CELF4: variants seen among roughly 807,000 people sequenced by gnomAD.
CELF4 encodes the protein CUGBP Elav-like family member 4.
A neutral mutation model predicts 59.9 loss-of-function variants in CELF4; 18 were observed. That is an observed-to-expected ratio of 0.30 (90% CI 0.21 to 0.45). The LOEUF is 0.45. Among genes scored for constraint, CELF4 ranks in the 20% least tolerant of loss-of-function variants. The pLI, the probability that CELF4 is intolerant of heterozygous loss-of-function variation, is 1.00. For missense variants in CELF4, 456 were observed against 689.0 expected, an observed-to-expected ratio of 0.66 and a Z score of 3.79; for synonymous variants, 261 against 267.1, an observed-to-expected ratio of 0.98 and a Z score of 0.22.
chr18:37,329,187 T>C (rs1200221824), intron 2 of CELF4, among the ~76,000 whole-genome samples: 1 of 152,202 alleles, frequency 6.6e-6, no homozygotes, highest in Non-Finnish European at 1.5e-5. Context: ...TGCCTTCAGC[T>C]GGAAACGCAA....
chr18:37,353,136 G>A (rs953312252), intron 2 of CELF4, among the ~76,000 whole-genome samples: 4 of 150,590 alleles, frequency 2.7e-5, no homozygotes, highest in Non-Finnish European at 4.4e-5. Flanking sequence ...CAGGAGAATT[G>A]CTTGAACCCG....
intron 1 of CELF4, among the ~76,000 whole-genome samples, chr18:37,514,969 TA>T (rs923873850): frequency 1.5e-4 from 23 of 152,202 alleles, no homozygotes; most frequent in African/African-American, 5.1e-4. Context: ...AATCTTTTTT[TA>T]AAAAAATGCC....
At chr18:37,290,224 C>T (rs1292017764) in intron 3 of CELF4, among the ~76,000 whole-genome samples, 1 of 152,184 alleles carries the variant, frequency 6.6e-6, no homozygotes, top group Non-Finnish European at 1.5e-5. Flanking sequence ...AGCTGGATGG[C>T]CCAGGGCAGT....
intron 3 of CELF4, among the ~76,000 whole-genome samples, chr18:37,304,792 A>G (rs1377117483): frequency 6.6e-6 from 1 of 152,226 alleles, no homozygotes; most frequent in Admixed American, 6.5e-5. Context: ...GGAGCACCCA[A>G]CTAAGCAGTG....
At chr18:37,321,918 C>A (rs1020894215) in intron 2 of CELF4, 37 bp from the exon 3 acceptor site, 2 of 1,565,902 alleles carry the variant, frequency 1.3e-6, no homozygotes, top group East Asian at 4.5e-5. Context: ...TTATAGCAGG[C>A]CTGCGGGTGA....
chr18:37,485,019 A>G (rs2099877790), intron 2 of CELF4, among the ~76,000 whole-genome samples: 3 of 152,168 alleles, frequency 2.0e-5, no homozygotes, highest in Admixed American at 2.0e-4. Flanking sequence ...TATCACACCC[A>G]GTTAGGGGGG....
In CELF4 at chr18:37,414,505, T is replaced by TTTC. The variant is rs1332368434; in HGVS notation, c.369+71019_369+71020insGAA. Among the ~76,000 whole-genome samples the TTTC allele has an allele frequency of 2.3e-4, 32 of 141,982 alleles. No individual in the cohort carries two copies. The East Asian group carries it at 3.5e-3, about 15-fold the overall frequency. The allele number at this position is 141,982 out of a possible 152,430, so 93.1% of individuals were successfully genotyped here. On this transcript the variant is annotated intron_variant, in intron 2 of 12. Transcript: ENST00000420428. The stretch of plus-strand genomic sequence containing the variant: ...ACTCATTTTTTTTCTTTTCTTTTCT[T>TTTC]TTTTTTTTTTTTTTGAGACGGAGTC...
chr18:37,422,439 C>T (rs778661726), intron 2 of CELF4, among the ~76,000 whole-genome samples: 8 of 152,312 alleles, frequency 5.3e-5, no homozygotes, highest in Non-Finnish European at 1.2e-4. Flanking sequence ...TAGCTTTGAC[C>T]CCAAGCCCCT....
At chr18:37,452,068 C>G (rs538138062) in intron 2 of CELF4, among the ~76,000 whole-genome samples, 1 of 152,160 alleles carries the variant, frequency 6.6e-6, no homozygotes, top group Non-Finnish European at 1.5e-5. Flanking sequence ...ACCCATCAGC[C>G]AGGAGGCAGG....
chr18:37,547,019 C>G (rs1258261540), intron 1 of CELF4, among the ~76,000 whole-genome samples: 1 of 152,196 alleles, frequency 6.6e-6, no homozygotes, highest in Non-Finnish European at 1.5e-5. Flanking sequence ...GTCAGCTTAT[C>G]CAGCAGATGG....
chr18:37,471,421 C>A (rs2099829139), intron 2 of CELF4, among the ~76,000 whole-genome samples: 1 of 152,136 alleles, frequency 6.6e-6, no homozygotes, highest in Admixed American at 6.5e-5. Context: ...ATGTGAAAGG[C>A]CTTCCCAACT....
At chr18:37,554,535 C>T (rs1334279615) in intron 1 of CELF4, among the ~76,000 whole-genome samples, 3 of 152,206 alleles carry the variant, frequency 2.0e-5, no homozygotes, top group South Asian at 2.1e-4. Flanking sequence ...CATCACCCGC[C>T]CCTCATCTTA....
chr18:37,284,160 C>T (rs1027941443), intron 3 of CELF4, among the ~76,000 whole-genome samples: 8 of 151,044 alleles, frequency 5.3e-5, no homozygotes, highest in Non-Finnish European at 1.0e-4. Context: ...CAGATACACA[C>T]ACCCATACAC....
chr18:37,340,094 C>T (rs982817823), intron 2 of CELF4, among the ~76,000 whole-genome samples: 1 of 152,210 alleles, frequency 6.6e-6, no homozygotes, highest in Non-Finnish European at 1.5e-5. Context: ...TCCCCCTTTC[C>T]TGACTCCCAC....
chr18:37,540,521 G>T (rs1234406192), intron 1 of CELF4, among the ~76,000 whole-genome samples: 1 of 152,162 alleles, frequency 6.6e-6, no homozygotes, highest in Non-Finnish European at 1.5e-5. Context: ...GGGTGGCTGG[G>T]TCGGGATATG....
chr18:37,375,758 C>T (rs193103439), intron 2 of CELF4, among the ~76,000 whole-genome samples: 12 of 152,244 alleles, frequency 7.9e-5, no homozygotes, highest in East Asian at 7.8e-4. Context: ...GGGATGCAGC[C>T]GGCCTACAGC....
intron 2 of CELF4, among the ~76,000 whole-genome samples, chr18:37,353,497 T>C (rs1336055758): frequency 6.6e-6 from 1 of 151,092 alleles, no homozygotes; most frequent in Non-Finnish European, 1.5e-5. Context: ...TGCAAAGGGC[T>C]TGGAGGCAGC....
intron 2 of CELF4, among the ~76,000 whole-genome samples, chr18:37,469,477 G>T (rs796401157): frequency 4.7e-4 from 71 of 152,296 alleles, no homozygotes; most frequent in African/African-American, 1.6e-3. Context: ...CGCTGAGTTA[G>T]ATCAGTTCGT....
chr18:37,265,524 G>A (rs2077116961), intron 9 of CELF4, among the ~76,000 whole-genome samples: 1 of 152,178 alleles, frequency 6.6e-6, no homozygotes, highest in Non-Finnish European at 1.5e-5. Flanking sequence ...GGAGGTGGGG[G>A]CCACCTGAGG....
Sources: gnomAD v4.1 joint callset for allele counts (sites outside exome capture counted in the v4.1 genomes callset) on GRCh38, gnomAD v4.1.1 for gene constraint, MANE v1.5 for transcripts, NCBI Gene and HGNC (gene_info 2026-07-23, HGNC 2026-07-21) for gene names.